Variants in MACROD2 observed in about 807,000 individuals in gnomAD.
The protein encoded by MACROD2 is ADP-ribose glycohydrolase MACROD2.
Under a neutral mutation model 70.4 loss-of-function variants are expected in MACROD2, and 36 were observed. The ratio of observed to expected loss-of-function variants is 0.51; its 90% CI spans 0.39 to 0.68. The LOEUF (loss-of-function observed/expected upper bound fraction) is 0.68. MACROD2 is among the 30% of genes least tolerant of loss of function. The pLI, the probability that MACROD2 is intolerant of heterozygous loss-of-function variation, is 0.00. For missense variants in MACROD2, 496 were observed against 538.4 expected (o/e 0.92, Z 0.78); for synonymous variants, 172 against 178.8 (o/e 0.96, Z 0.30).
intron 5 of MACROD2, chr20:14,893,354 A>T (rs1384986426): frequency 6.6e-6 from 1 of 151,986 alleles, no homozygotes. Context: ...TCCATGTTTA[A>T]TTTTTTTGAG....
intron 5 of MACROD2, among the ~76,000 whole-genome samples, chr20:15,129,985 T>C (rs2076093589): frequency 6.6e-6 from 1 of 152,102 alleles, no homozygotes; most frequent in Non-Finnish European, 1.5e-5. Context: ...GTTCTTCTCT[T>C]GTCCCTGTGC....
At chr20:14,153,804 G>A (rs1385035735) in intron 3 of MACROD2, among the ~76,000 whole-genome samples, 1 of 152,160 alleles carries the variant, frequency 6.6e-6, no homozygotes, top group Non-Finnish European at 1.5e-5. Flanking sequence ...TTAGTTTTAT[G>A]TATGTTATTT....
chr20:14,421,402 A>T (rs1003211366), intron 3 of MACROD2, among the ~76,000 whole-genome samples: 35 of 152,254 alleles, frequency 2.3e-4, no homozygotes, highest in African/African-American at 8.2e-4. Flanking sequence ...CTTAGTAGTT[A>T]TGAGTCTATC....
At chr20:14,356,157 C>G (rs2083170127) in intron 3 of MACROD2, among the ~76,000 whole-genome samples, 1 of 152,134 alleles carries the variant, frequency 6.6e-6, no homozygotes, top group Non-Finnish European at 1.5e-5. Flanking sequence ...TACTTAATCT[C>G]TGTGTGTGTG....
At chr20:14,541,368 T>C (rs2085429746) in intron 4 of MACROD2, among the ~76,000 whole-genome samples, 1 of 152,110 alleles carries the variant, frequency 6.6e-6, no homozygotes, top group Admixed American at 6.6e-5. Flanking sequence ...CTTCCTCTTA[T>C]CTCCCTTCAG....
chr20:14,205,535 C>T (rs372325799), intron 3 of MACROD2, among the ~76,000 whole-genome samples: 19 of 152,320 alleles, frequency 1.2e-4, no homozygotes, highest in African/African-American at 4.1e-4. Flanking sequence ...TTCCGGTGCG[C>T]ATGCGGGCCC....
At chr20:14,244,386 T>TAA (rs544576731) in intron 3 of MACROD2, among the ~76,000 whole-genome samples, 1 of 144,566 alleles carries the variant, frequency 6.9e-6, no homozygotes. Flanking sequence ...GGGGTGATGC[T>TAA]AAAAAAAAAA....
At chr20:15,144,107 T>G (rs2076213108) in intron 5 of MACROD2, among the ~76,000 whole-genome samples, 1 of 152,126 alleles carries the variant, frequency 6.6e-6, no homozygotes, top group Admixed American at 6.5e-5. Flanking sequence ...AGTAGTAATA[T>G]AAATACTACA....
At chr20:14,162,985 G>T (rs2055212435) in intron 3 of MACROD2, among the ~76,000 whole-genome samples, 1 of 151,842 alleles carries the variant, frequency 6.6e-6, no homozygotes, top group South Asian at 2.1e-4. Flanking sequence ...TTTGTGGTTT[G>T]GTGGTTTTCT....
chr20:15,329,973 C>T (rs1407966232), intron 6 of MACROD2, among the ~76,000 whole-genome samples: 3 of 152,016 alleles, frequency 2.0e-5, no homozygotes, highest in Non-Finnish European at 4.4e-5. Context: ...CCAGAAGAAA[C>T]ATCCTTATCT....
At chr20:15,622,248 C>A (rs2049136262) in intron 8 of MACROD2, among the ~76,000 whole-genome samples, 1 of 152,192 alleles carries the variant, frequency 6.6e-6, no homozygotes, top group Admixed American at 6.5e-5. Flanking sequence ...GAAACAAGTT[C>A]TCTCCAAATA....
At chr20:15,072,537 C>A (rs11908678) in intron 5 of MACROD2, among the ~76,000 whole-genome samples, 3,570 of 152,178 alleles carry the variant, frequency 0.023, 166 homozygotes, top group African/African-American at 0.082. Context: ...GGGCTTCTTC[C>A]CAACTGTGAG....
intron 15 of MACROD2, among the ~76,000 whole-genome samples, chr20:15,999,825 G>A (rs1382625171): frequency 6.6e-6 from 1 of 152,184 alleles, no homozygotes; most frequent in Non-Finnish European, 1.5e-5. Context: ...GTCAATAAAA[G>A]CTAGAATGGT....
intron 5 of MACROD2, among the ~76,000 whole-genome samples, chr20:15,118,492 A>G (rs1468246706): frequency 2.0e-5 from 3 of 152,074 alleles, no homozygotes; most frequent in Non-Finnish European, 4.4e-5. Flanking sequence ...TGCCCAGCCT[A>G]AAGTGAGCTC....
At chr20:15,759,364 T>A (rs148280150) in intron 8 of MACROD2, among the ~76,000 whole-genome samples, 1 of 152,180 alleles carries the variant, frequency 6.6e-6, no homozygotes, top group South Asian at 2.1e-4. Context: ...AATTACTATT[T>A]AATTACAGAA....
chr20:14,223,581 C>A (rs1046071140), intron 3 of MACROD2, among the ~76,000 whole-genome samples: 1 of 149,568 alleles, frequency 6.7e-6, no homozygotes, highest in Non-Finnish European at 1.5e-5. Context: ...AATCTCGGCT[C>A]ACTGCAACCT....
rs929289582 is a variant in MACROD2, at chr20:14,809,856, C to T, written c.418+124897C>T. Reference sequence around the variant, plus strand: ...TAGAAGAAATGGATAAATTCCTGGACACATACACTGCCCCCGCAAGATTAA... The same window carrying T: ...TAGAAGAAATGGATAAATTCCTGGATACATACACTGCCCCCGCAAGATTAA... On this transcript the variant is annotated intron_variant, in intron 5 of 17. Transcript: ENST00000684519. Among the ~76,000 whole-genome samples, 11 of 151,994 alleles carry T rather than the reference C, an allele frequency of 7.2e-5. 1 individual carries two copies. Among genetic ancestry groups the T allele is most frequent in the Admixed American group, 5.9e-4 (9 of 15,244 alleles).
intron 3 of MACROD2, among the ~76,000 whole-genome samples, chr20:14,175,251 C>T (rs2081254742): frequency 6.6e-6 from 1 of 152,128 alleles, no homozygotes; most frequent in Non-Finnish European, 1.5e-5. Flanking sequence ...TTCTACTGCT[C>T]TTGTTTATGT....
chr20:15,142,876 A>G (rs1013356556), intron 5 of MACROD2, among the ~76,000 whole-genome samples: 7 of 152,042 alleles, frequency 4.6e-5, no homozygotes, highest in Admixed American at 1.3e-4. Context: ...ATTCCATGGT[A>G]TATATGTGCC....
Sources: gnomAD v4.1 joint callset for allele counts (sites outside exome capture counted in the v4.1 genomes callset) on GRCh38, gnomAD v4.1.1 for gene constraint, MANE v1.5 for transcripts, NCBI Gene and HGNC (gene_info 2026-07-23, HGNC 2026-07-21) for gene names.